Variants in SLC24A3 observed in about 807,000 individuals in gnomAD.
The protein encoded by SLC24A3 is sodium/potassium/calcium exchanger 3.
Under a neutral mutation model 75.8 loss-of-function variants are expected in SLC24A3, and 28 were observed. That is an observed-to-expected ratio of 0.37 (90% CI 0.27 to 0.51). The LOEUF is 0.51. SLC24A3 is among the 20% of genes least tolerant of loss of function. SLC24A3 has a pLI of 0.94. For missense variants in SLC24A3, 663 were observed against 847.8 expected (o/e 0.78, Z 2.71); for synonymous variants, 372 against 334.1 (o/e 1.11, Z -1.24).
At chr20:19,594,706 G>A (rs1157264518) in intron 6 of SLC24A3, among the ~76,000 whole-genome samples, 4 of 152,162 alleles carry the variant, frequency 2.6e-5, no homozygotes, top group Admixed American at 1.3e-4. Flanking sequence ...CTGAGTGGAT[G>A]GATGGATGGA....
intron 2 of SLC24A3, among the ~76,000 whole-genome samples, chr20:19,384,775 G>A (rs1986244278): frequency 6.6e-6 from 1 of 152,102 alleles, no homozygotes; most frequent in Admixed American, 6.6e-5. Flanking sequence ...CCATAATGGT[G>A]GTACTAATTA....
chr20:19,452,425 T>TGTGTGTGTGTGTGTG (rs56271347), intron 2 of SLC24A3, among the ~76,000 whole-genome samples: 33 of 115,552 alleles, frequency 2.9e-4, no homozygotes, highest in East Asian at 9.2e-4. Context: ...TGTGTGTGTG[T>TGTGTGTGTGTGTGTG]TGGGGAAGTA....
At chr20:19,596,441 C>T (rs966183641) in intron 6 of SLC24A3, among the ~76,000 whole-genome samples, 8 of 152,152 alleles carry the variant, frequency 5.3e-5, no homozygotes, top group Admixed American at 1.3e-4. Context: ...GAGTACAAAT[C>T]GCCATGAGCA....
chr20:19,253,726 A>G (rs1193401291), intron 1 of SLC24A3, among the ~76,000 whole-genome samples: 14 of 152,214 alleles, frequency 9.2e-5, no homozygotes, highest in African/African-American at 2.9e-4. Context: ...CTGGCAGGAA[A>G]AGGAGAGAAG....
chr20:19,490,014 T>TG (rs1021347604), intron 2 of SLC24A3, among the ~76,000 whole-genome samples: 8 of 152,146 alleles, frequency 5.3e-5, no homozygotes, highest in Non-Finnish European at 1.2e-4. Flanking sequence ...TGTATCTGGT[T>TG]GGGGGGATCC....
At chr20:19,251,852 G>A (rs183442309) in intron 1 of SLC24A3, among the ~76,000 whole-genome samples, 1 of 152,220 alleles carries the variant, frequency 6.6e-6, no homozygotes, top group Non-Finnish European at 1.5e-5. Context: ...CCCCAAGGGG[G>A]CATGAAGGGG....
intron 2 of SLC24A3, among the ~76,000 whole-genome samples, chr20:19,367,712 G>A (rs1382300658): frequency 2.6e-5 from 4 of 152,206 alleles, no homozygotes; most frequent in Non-Finnish European, 5.9e-5. Context: ...TTTCTTCCTT[G>A]TTGGCCAGGT....
At chr20:19,499,947 C>T (rs565875962) in intron 2 of SLC24A3, among the ~76,000 whole-genome samples, 2 of 152,108 alleles carry the variant, frequency 1.3e-5, no homozygotes, top group Non-Finnish European at 2.9e-5. Context: ...AAGTTAGCTT[C>T]CCAGCTGGGC....
At chr20:19,465,060 A>C (rs1340011585) in intron 2 of SLC24A3, among the ~76,000 whole-genome samples, 1 of 152,212 alleles carries the variant, frequency 6.6e-6, no homozygotes, top group Non-Finnish European at 1.5e-5. Context: ...TTTATGTTTA[A>C]ATTTTACTTA....
intron 2 of SLC24A3, among the ~76,000 whole-genome samples, chr20:19,283,658 G>T (rs945084416): frequency 6.6e-6 from 1 of 152,194 alleles, no homozygotes; most frequent in Non-Finnish European, 1.5e-5. Context: ...GGGTCTTAGA[G>T]TCACACTGAC....
At chr20:19,264,466 A>AG (rs546152072) in intron 1 of SLC24A3, among the ~76,000 whole-genome samples, 6 of 152,088 alleles carry the variant, frequency 3.9e-5, no homozygotes, top group African/African-American at 1.4e-4. Context: ...TCAAAAGTGC[A>AG]GTCTGCCCAG....
chr20:19,350,013 C>T lies in SLC24A3; in HGVS notation c.271+68926C>T, dbSNP rs1036342751. On this transcript the variant is annotated intron_variant, in intron 2 of 16. Transcript: ENST00000328041. ...CAACCAGGGACCCAGCAGGGTGAGA[C>T]GCAAACCTCGAGAGCACGGGCACCG... Among the ~76,000 whole-genome samples the T allele has an allele frequency of 7.2e-5, 11 of 152,150 alleles. No individual in the cohort carries two copies. The East Asian group carries it at 7.7e-4, about 11-fold the overall frequency.
intron 2 of SLC24A3, among the ~76,000 whole-genome samples, chr20:19,470,920 A>C (rs1308259519): frequency 2.6e-5 from 4 of 152,182 alleles, no homozygotes; most frequent in Non-Finnish European, 5.9e-5. Context: ...TCAGCAAAAC[A>C]CTGTGGGGGT....
At chr20:19,611,145 C>T (rs1254690118) in intron 6 of SLC24A3, among the ~76,000 whole-genome samples, 1 of 152,180 alleles carries the variant, frequency 6.6e-6, no homozygotes, top group Non-Finnish European at 1.5e-5. Flanking sequence ...AAGTGACTGC[C>T]TCACAGAAGG....
intron 2 of SLC24A3, among the ~76,000 whole-genome samples, chr20:19,459,867 C>G (rs1385038716): frequency 6.6e-6 from 1 of 152,126 alleles, no homozygotes. Flanking sequence ...TGGGGTTCTG[C>G]CCTTCCTTGC....
chr20:19,506,200 G>A (rs1988460143), intron 2 of SLC24A3, among the ~76,000 whole-genome samples: 1 of 152,164 alleles, frequency 6.6e-6, no homozygotes, highest in South Asian at 2.1e-4. Context: ...GTTGCCTGTG[G>A]TAAGCAAATG....
At chr20:19,549,799 CA>C (rs1444423776) in intron 3 of SLC24A3, among the ~76,000 whole-genome samples, 1 of 152,094 alleles carries the variant, frequency 6.6e-6, no homozygotes, top group African/African-American at 2.4e-5. Context: ...CAAAACAAAA[CA>C]ATACAAACAA....
intron 1 of SLC24A3, among the ~76,000 whole-genome samples, chr20:19,275,948 A>C (rs999467524): frequency 6.6e-6 from 1 of 152,144 alleles, no homozygotes; most frequent in Non-Finnish European, 1.5e-5. Flanking sequence ...GCCAACATGC[A>C]ACTTCCAGGG....
chr20:19,662,683 G>A (rs2032342272), intron 7 of SLC24A3, among the ~76,000 whole-genome samples: 1 of 152,226 alleles, frequency 6.6e-6, no homozygotes, highest in African/African-American at 2.4e-5. Flanking sequence ...CTAAGGGATG[G>A]GGGATGTTGC....
Sources: allele counts gnomAD v4.1 joint callset (sites outside exome capture counted in the v4.1 genomes callset), GRCh38; gene constraint gnomAD v4.1.1; transcripts MANE v1.5; gene names NCBI Gene and HGNC (gene_info 2026-07-23, HGNC 2026-07-21).